Variants in PHF2 observed in about 807,000 individuals in gnomAD.
The protein encoded by PHF2 is lysine-specific demethylase PHF2.
Under a neutral mutation model 120.5 loss-of-function variants are expected in PHF2, and 27 were observed. That is an observed-to-expected ratio of 0.22 (90% CI 0.17 to 0.31). PHF2 has a LOEUF of 0.31. PHF2 is among the 10% of genes least tolerant of loss of function. The pLI, the probability that PHF2 is intolerant of heterozygous loss-of-function variation, is 1.00. For missense variants in PHF2, 1,024 were observed against 1,434.8 expected, an observed-to-expected ratio of 0.71 and a Z score of 4.63; for synonymous variants, 568 against 592.5, an observed-to-expected ratio of 0.96 and a Z score of 0.60.
At chr9:93,666,888 C>T (rs1322248488) in intron 16 of PHF2, among the ~76,000 whole-genome samples, 192 bp from the exon 17 acceptor site, 1 of 152,072 alleles carries the variant, frequency 6.6e-6, no homozygotes, top group Non-Finnish European at 1.5e-5. Flanking sequence ...CGCACCACTG[C>T]ACTCCAGCCT....
Position 93,676,769 on chromosome 9 carries a change from C to T in PHF2, c.3008C>T (p.Ala1003Val), listed in dbSNP as rs1485978161. 3.9e-6 allele frequency: 6 copies of T among 1,552,436 alleles called. No homozygotes were observed. Among genetic ancestry groups the T allele is most frequent in the African/African-American group, 1.4e-5 (1 of 73,240 alleles). ...PASTSTASSQ[A>V]SQEGSSPEPP... Reference sequence around the variant, plus strand: ...TCCACCAGCACGGCCAGCAGCCAGGCCTCGCAGGAGGGCAGCTCGCCAGAG... The same window carrying T: ...TCCACCAGCACGGCCAGCAGCCAGGTCTCGCAGGAGGGCAGCTCGCCAGAG... The change falls in exon 21 of 22, where the codon GCC becomes GTC. Residue 1003 changes from alanine to valine, a missense_variant. Ala to Val is a moderately conservative substitution (Grantham distance 64). Coordinates refer to ENST00000359246, the MANE Select transcript of PHF2 (RefSeq NM_005392.4).
intron 1 of PHF2, among the ~76,000 whole-genome samples, chr9:93,622,133 A>T (rs527635234): frequency 6.6e-6 from 1 of 152,046 alleles, no homozygotes; most frequent in East Asian, 1.9e-4. Flanking sequence ...GCTATATCAC[A>T]GGGAGGGGTG....
intron 3 of PHF2, among the ~76,000 whole-genome samples, chr9:93,637,542 G>GT (rs1388565296): frequency 1.3e-5 from 2 of 152,164 alleles, no homozygotes; most frequent in Non-Finnish European, 2.9e-5. Context: ...TATAAATGGA[G>GT]TTCTACAACA....
chr9:93,660,157 A>G (rs1415767195), intron 11 of PHF2, 35 bp from the exon 12 acceptor site: 1 of 1,502,884 alleles, frequency 6.7e-7, no homozygotes, highest in African/African-American at 1.4e-5. Context: ...AGTTTGGCAG[A>G]AGCAGCATGT....
chr9:93,636,598 T>C lies in PHF2; in HGVS notation c.299+73T>C, dbSNP rs1826098240. 50 of 1,082,192 alleles carry C rather than the reference T, an allele frequency of 4.6e-5. No homozygotes were observed. The South Asian group carries it at 6.2e-4, about 13-fold the overall frequency. The allele number at this position is 1,082,192 out of a possible 1,614,324, so 67.0% of individuals were successfully genotyped here. On this transcript the variant is annotated intron_variant, in intron 3 of 21. Transcript: ENST00000359246. ...ACACTCTCTCCGTCCCTTGTCCCGC[T>C]ATCCATTGCTGGGGGCTTCCTTTGC... is the stretch of plus-strand genomic sequence containing the variant.
chr9:93,619,795 C>T (rs1426167024), intron 1 of PHF2, among the ~76,000 whole-genome samples: 1 of 152,116 alleles, frequency 6.6e-6, no homozygotes, highest in Non-Finnish European at 1.5e-5. Flanking sequence ...TGCTCTTAGC[C>T]AGGGTTAAAA....
intron 11 of PHF2, 125 bp from the exon 12 acceptor site, chr9:93,660,067 G>T (rs370755590): frequency 8.2e-7 from 1 of 1,226,058 alleles, no homozygotes; most frequent in Non-Finnish European, 1.1e-6. Flanking sequence ...GGGTAGCTGA[G>T]CCTTTCTGGG....
intron 1 of PHF2, among the ~76,000 whole-genome samples, chr9:93,585,408 G>A (rs1243197322): frequency 1.3e-5 from 2 of 152,226 alleles, no homozygotes; most frequent in Admixed American, 6.5e-5. Context: ...CCAGGGTTCT[G>A]GATTCCTAGA....
chr9:93,602,124 T>G (rs1337844440), intron 1 of PHF2, among the ~76,000 whole-genome samples: 2 of 152,156 alleles, frequency 1.3e-5, no homozygotes, highest in African/African-American at 4.8e-5. Flanking sequence ...AGATCTCTCT[T>G]CCAGTTCACG....
In PHF2 at chr9:93,660,281, G is replaced by A. The variant is rs539310458; in HGVS notation, c.1419G>A (p.Pro473=). The A allele has an allele frequency of 6.8e-5, 109 of 1,610,310 alleles. No individual in the cohort carries two copies. In the East Asian group the frequency reaches 1.5e-3, roughly 22 times the overall value. Residue 473 remains proline, a synonymous_variant, in exon 12 of 22, where the codon CCG becomes CCA. Transcript: ENST00000359246. ...CDGDREKEEP[P]SPIEATPPQS... is the part of the protein sequence containing the mutation. ...GGGACCGGGAGAAGGAGGAGCCCCC[G>A]TCTCCCATTGAGGCCACCCCGCCTC...
At chr9:93,645,292 G>A (rs563198745) in intron 3 of PHF2, among the ~76,000 whole-genome samples, 19 of 152,300 alleles carry the variant, frequency 1.2e-4, no homozygotes, top group Admixed American at 3.3e-4. Context: ...CCCGGGTGCC[G>A]GTGGTTGGGG....
chr9:93,629,773 G>A (rs1825969205), intron 1 of PHF2, among the ~76,000 whole-genome samples, 197 bp from the exon 2 acceptor site: 1 of 151,452 alleles, frequency 6.6e-6, no homozygotes, highest in Non-Finnish European at 1.5e-5. Flanking sequence ...GGCTGCAGAG[G>A]CCTTTCCAGG....
chr9:93,629,511 C>T (rs1388279579), intron 1 of PHF2, among the ~76,000 whole-genome samples: 4 of 152,168 alleles, frequency 2.6e-5, no homozygotes, highest in Admixed American at 2.6e-4. Context: ...CTTCTTGGCC[C>T]CCATGAGGAT....
Position 93,674,924 on chromosome 9 carries a change from T to C in PHF2, c.2627-3T>C. The stretch of plus-strand genomic sequence containing the variant: ...GCCACGCCTTCCCTCTGCCTCCCTC[T>C]AGTTTACCCCTCACTGGAGTCAGAT... On this transcript the variant is annotated splice_polypyrimidine_tract_variant and splice_region_variant and intron_variant, in intron 18 of 21. Transcript: ENST00000359246. 6.2e-7 allele frequency: 1 copy of C among 1,611,806 alleles called. No individual in the cohort carries two copies. Among genetic ancestry groups the C allele is most frequent in the Non-Finnish European group, 8.5e-7 (1 of 1,178,174 alleles).
intron 5 of PHF2, among the ~76,000 whole-genome samples, chr9:93,650,193 A>G (rs1826342874): frequency 1.3e-5 from 2 of 151,972 alleles, no homozygotes; most frequent in Non-Finnish European, 1.5e-5. Context: ...CACGTTCACA[A>G]CACACCGACA....
intron 14 of PHF2, 83 bp downstream of exon 14, chr9:93,663,718 C>T (rs1027079791): frequency 6.8e-6 from 5 of 739,766 alleles, no homozygotes; most frequent in African/African-American, 1.7e-5. Context: ...ACACCCACTG[C>T]CTTATACCAC....
Position 93,629,997 on chromosome 9 carries a change from G to C in PHF2, c.126G>C (p.Ala42=). 6.2e-7 allele frequency: 1 copy of C among 1,614,074 alleles called. No individual in the cohort carries two copies. Among genetic ancestry groups the C allele is most frequent in the African/African-American group, 1.3e-5 (1 of 75,052 alleles). ...GTGTTGGGGTGGAAGAGGAGGAGGC[G>C]CCCGACATCGACATATACCACTGCC... is the stretch of plus-strand genomic sequence containing the variant. The part of the protein sequence containing the change: ...GSCVGVEEEE[A]PDIDIYHCPN... The change falls in exon 2 of 22, where the codon GCG becomes GCC. Residue 42 remains alanine (A), a synonymous_variant. Transcript: ENST00000359246.
intron 1 of PHF2, among the ~76,000 whole-genome samples, chr9:93,593,707 G>A (rs561798654): frequency 9.2e-5 from 14 of 152,308 alleles, no homozygotes; most frequent in African/African-American, 2.2e-4. Flanking sequence ...CTTGTAAATC[G>A]GAAATTATGC....
chr9:93,673,256 T>C (rs1216713120), intron 17 of PHF2, among the ~76,000 whole-genome samples: 2 of 151,682 alleles, frequency 1.3e-5, no homozygotes, highest in Non-Finnish European at 2.9e-5. Flanking sequence ...CTTTAAGGTG[T>C]GAGAGACCAG....
Sources: gnomAD v4.1 joint callset for allele counts (sites outside exome capture counted in the v4.1 genomes callset) on GRCh38, gnomAD v4.1.1 for gene constraint, MANE v1.5 for transcripts, NCBI Gene and HGNC (gene_info 2026-07-23, HGNC 2026-07-21) for gene names.